UNC13C: variants seen among roughly 807,000 people sequenced by gnomAD.
UNC13C encodes unc-13 homolog C, also known as protein unc-13 homolog C.
Under a neutral mutation model 245.4 loss-of-function variants are expected in UNC13C, and 174 were observed. That is an observed-to-expected ratio of 0.71 (90% CI 0.63 to 0.80). UNC13C has a LOEUF of 0.80. Among genes scored for constraint, UNC13C ranks in the 30% least tolerant of loss-of-function variants. UNC13C has a pLI of 0.00. For missense variants in UNC13C, 2,829 were observed against 2,602.9 expected, an observed-to-expected ratio of 1.09 and a Z score of -1.89; for synonymous variants, 992 against 895.1, an observed-to-expected ratio of 1.11 and a Z score of -1.93.
At chr15:54,104,409 C>T (rs1052723704) in intron 2 of UNC13C, among the ~76,000 whole-genome samples, 1 of 151,962 alleles carries the variant, frequency 6.6e-6, no homozygotes, top group South Asian at 2.1e-4. Context: ...TTTTTTTCCC[C>T]CTGGCCACAC....
chr15:53,978,531 G>C lies in UNC13C; in HGVS notation c.-653G>C, dbSNP rs190470815. Among the ~76,000 whole-genome samples, 8 of 152,266 alleles carry C rather than the reference G, an allele frequency of 5.3e-5. No individual in the cohort carries two copies. The highest frequency in any genetic ancestry group is 5.2e-4 in the Admixed American group (8 of 15,302). ...TCACCCTCAAATGTTGATGAGCCTG[G>C]GCGCTCCTCAACACACGGGAGAGAT... On this transcript the variant is annotated 5_prime_UTR_variant, in exon 1 of 33. Coordinates refer to ENST00000260323, the MANE Select transcript of UNC13C (RefSeq NM_001080534.3).
chr15:53,965,230 C>T, the UNC13C span, among the ~76,000 whole-genome samples: 1 of 152,140 alleles, frequency 6.6e-6, no homozygotes, highest in Non-Finnish European at 1.5e-5. Flanking sequence ...TGCCTATCAA[C>T]TGGTTTCAGT....
At chr15:53,957,817 C>G in the UNC13C span, among the ~76,000 whole-genome samples, 3 of 152,216 alleles carry the variant, frequency 2.0e-5, no homozygotes, top group African/African-American at 4.8e-5. Context: ...GAATAGTGCT[C>G]AGCCTTGCAT....
At chr15:54,602,339 A>C (rs1457868399) in intron 30 of UNC13C, among the ~76,000 whole-genome samples, 1 of 152,202 alleles carries the variant, frequency 6.6e-6, no homozygotes, top group Non-Finnish European at 1.5e-5. Context: ...CTGGGCTGAC[A>C]GTGGGACAGA....
At chr15:54,180,015 T>C (rs1406107984) in intron 4 of UNC13C, among the ~76,000 whole-genome samples, 1 of 152,056 alleles carries the variant, frequency 6.6e-6, no homozygotes, top group Non-Finnish European at 1.5e-5. Flanking sequence ...TAGAATTTTA[T>C]TGACTTTATT....
intron 1 of UNC13C, among the ~76,000 whole-genome samples, chr15:53,996,579 A>C (rs191761323): frequency 1.3e-5 from 2 of 152,338 alleles, no homozygotes; most frequent in Non-Finnish European, 2.9e-5. Context: ...TCTAAGATAT[A>C]GAGCATTTCT....
chr15:54,623,179 A>T (rs559048140), intron 31 of UNC13C, among the ~76,000 whole-genome samples: 10 of 151,794 alleles, frequency 6.6e-5, no homozygotes, highest in Admixed American at 3.9e-4. Flanking sequence ...TTTACACATG[A>T]GAATCTTCAT....
chr15:53,927,918 C>T, the UNC13C span, among the ~76,000 whole-genome samples: 12 of 152,140 alleles, frequency 7.9e-5, no homozygotes, highest in East Asian at 3.9e-4. Context: ...TGATAGAATG[C>T]GCAAAATTAT....
At chr15:53,952,617 C>T in the UNC13C span, among the ~76,000 whole-genome samples, 4 of 152,228 alleles carry the variant, frequency 2.6e-5, no homozygotes, top group South Asian at 2.1e-4. Flanking sequence ...AATTTAATTG[C>T]GTGGGCTGTG....
At chr15:54,258,039 C>T (rs4517736) in intron 8 of UNC13C, among the ~76,000 whole-genome samples, 57,375 of 151,822 alleles carry the variant, frequency 0.38, 11,064 homozygotes, top group Middle Eastern at 0.41. Context: ...AGAGAGGCTC[C>T]TGGAGAAAGA....
At chr15:53,966,586 C>T in the UNC13C span, among the ~76,000 whole-genome samples, 13 of 151,888 alleles carry the variant, frequency 8.6e-5, no homozygotes, top group South Asian at 2.1e-4. Context: ...AACTTCATTG[C>T]CTGTTGGCAT....
intron 29 of UNC13C, among the ~76,000 whole-genome samples, chr15:54,560,486 T>C (rs1897258025): frequency 6.6e-6 from 1 of 151,950 alleles, no homozygotes; most frequent in Non-Finnish European, 1.5e-5. Context: ...AAGTGCTTTA[T>C]TTTCTGAAAA....
At chr15:53,846,327 A>G in the UNC13C span, among the ~76,000 whole-genome samples, 1 of 152,184 alleles carries the variant, frequency 6.6e-6, no homozygotes. Flanking sequence ...TGCGATTGGT[A>G]ATAATCTTCA....
chr15:54,102,753 A>G (rs1186065059), intron 2 of UNC13C, among the ~76,000 whole-genome samples: 1 of 152,206 alleles, frequency 6.6e-6, no homozygotes, highest in Non-Finnish European at 1.5e-5. Context: ...CTCTTTAGCC[A>G]TATTTCCCTG....
intron 2 of UNC13C, among the ~76,000 whole-genome samples, chr15:54,079,565 G>A (rs1387191528): frequency 6.6e-6 from 1 of 151,676 alleles, no homozygotes; most frequent in African/African-American, 2.4e-5. Context: ...ATTTTTTTGT[G>A]TGTGGCTATT....
the UNC13C span, among the ~76,000 whole-genome samples, chr15:53,864,983 C>T: frequency 1.3e-5 from 2 of 152,078 alleles, no homozygotes; most frequent in Non-Finnish European, 2.9e-5. Context: ...TAGCCTTGGA[C>T]CAACTACCAA....
chr15:54,458,525 T>C (rs1294889428), intron 19 of UNC13C, among the ~76,000 whole-genome samples: 6 of 152,072 alleles, frequency 3.9e-5, no homozygotes, highest in Non-Finnish European at 8.8e-5. Flanking sequence ...GCCATCTATC[T>C]CATTTCTTAG....
At chr15:54,464,848 A>C (rs1432396462) in intron 19 of UNC13C, among the ~76,000 whole-genome samples, 2 of 151,928 alleles carry the variant, frequency 1.3e-5, no homozygotes, top group Non-Finnish European at 2.9e-5. Context: ...CTTTTAAATG[A>C]TAAATAGTAT....
intron 19 of UNC13C, among the ~76,000 whole-genome samples, chr15:54,447,363 G>T (rs1890875850): frequency 6.6e-6 from 1 of 152,250 alleles, no homozygotes; most frequent in South Asian, 2.1e-4. Context: ...CCTCCTCCTT[G>T]TACCTCTGGT....
Sources: allele counts gnomAD v4.1 joint callset (sites outside exome capture counted in the v4.1 genomes callset), GRCh38; gene constraint gnomAD v4.1.1; transcripts MANE v1.5; gene names NCBI Gene and HGNC (gene_info 2026-07-23, HGNC 2026-07-21).